The following HAPLN1 variants were observed in gnomAD, a reference collection of about 807,000 sequenced individuals.
The protein encoded by HAPLN1 is Cartilage link protein.
HAPLN1 carries 13 observed loss-of-function variants against 36.5 expected under a neutral mutation model. The observed-to-expected ratio is 0.36, with a 90% CI of 0.23 to 0.57. HAPLN1 has a LOEUF of 0.57. HAPLN1 is among the 20% of genes least tolerant of loss of function. The pLI is 0.83. For missense variants in HAPLN1, 407 were observed against 439.7 expected (o/e 0.93, Z 0.66); for synonymous variants, 202 against 169.8 (o/e 1.19, Z -1.48).
intron 3 of HAPLN1, among the ~76,000 whole-genome samples, chr5:83,646,370 G>A (rs1029954571): frequency 1.3e-5 from 2 of 152,200 alleles, no homozygotes; most frequent in Non-Finnish European, 2.9e-5. Context: ...GCTATTTTAT[G>A]AGACTGCAGA....
At chr5:83,694,786 A>T (rs1213108076) in intron 1 of HAPLN1, among the ~76,000 whole-genome samples, 1 of 152,098 alleles carries the variant, frequency 6.6e-6, no homozygotes, top group Non-Finnish European at 1.5e-5. Flanking sequence ...ACAAAAAAAT[A>T]AACAAAACCA....
At chr5:83,697,374 T>G (rs1391134948) in intron 1 of HAPLN1, among the ~76,000 whole-genome samples, 2 of 152,202 alleles carry the variant, frequency 1.3e-5, no homozygotes, top group Non-Finnish European at 2.9e-5. Flanking sequence ...AGTACTTCAT[T>G]CTTTTTATGT....
chr5:83,720,295 A>G (rs1751992337), intron 1 of HAPLN1, among the ~76,000 whole-genome samples: 1 of 152,236 alleles, frequency 6.6e-6, no homozygotes, highest in Non-Finnish European at 1.5e-5. Flanking sequence ...CAACATTTCT[A>G]AGATTATTAA....
chr5:83,689,279 A>G (rs1287937496), intron 1 of HAPLN1, among the ~76,000 whole-genome samples: 1 of 152,142 alleles, frequency 6.6e-6, no homozygotes, highest in Non-Finnish European at 1.5e-5. Flanking sequence ...GCACCTAAAT[A>G]ATGACTGTTC....
rs1487014584 is a variant in HAPLN1 at position 83,681,099 on chromosome 5, C to T, written c.-26-7550G>A. Among the ~76,000 whole-genome samples, 6 of 152,198 alleles carry T rather than the reference C, an allele frequency of 3.9e-5. No homozygotes were observed. In the East Asian group the frequency reaches 1.2e-3, roughly 29 times the overall value. On this transcript the variant is annotated intron_variant, in intron 1 of 4. Coordinates refer to ENST00000274341, the MANE Select transcript of HAPLN1 (RefSeq NM_001884.4). Reference sequence around the variant, plus strand: ...TCAAAAATCTGAGTAACATCAATAACAAAGCATTGTATTAAATAATATAAA... The same window carrying T: ...TCAAAAATCTGAGTAACATCAATAATAAAGCATTGTATTAAATAATATAAA...
intron 2 of HAPLN1, among the ~76,000 whole-genome samples, chr5:83,660,556 C>T (rs1750357228): frequency 6.6e-6 from 1 of 152,114 alleles, no homozygotes; most frequent in East Asian, 1.9e-4. Context: ...CTGAGATGTA[C>T]ACCAGAAACT....
At chr5:83,650,378 G>A (rs1750020216) in intron 3 of HAPLN1, among the ~76,000 whole-genome samples, 1 of 152,094 alleles carries the variant, frequency 6.6e-6, no homozygotes, top group Non-Finnish European at 1.5e-5. Flanking sequence ...ACTGACTTCT[G>A]CCTTATTTCA....
intron 1 of HAPLN1, among the ~76,000 whole-genome samples, chr5:83,679,199 T>C (rs1413271791): frequency 6.6e-6 from 1 of 152,236 alleles, no homozygotes; most frequent in African/African-American, 2.4e-5. Context: ...GAGCAAATCA[T>C]TTAAAATGAC....
At chr5:83,643,346 C>T (rs1749759903) in intron 4 of HAPLN1, among the ~76,000 whole-genome samples, 1 of 113,066 alleles carries the variant, frequency 8.8e-6, no homozygotes, top group Non-Finnish European at 1.9e-5. Flanking sequence ...AGGGTGATAC[C>T]CTGTCTTAAA....
Position 83,701,554 on chromosome 5 carries a change from A to C in HAPLN1, c.-27+19235T>G, listed in dbSNP as rs562014101. Among the ~76,000 whole-genome samples, 67 of 152,354 alleles carry C rather than the reference A, an allele frequency of 4.4e-4. 1 individual carries two copies. Among genetic ancestry groups the C allele is most frequent in the Middle Eastern group, 3.4e-3 (1 of 294 alleles). The stretch of plus-strand genomic sequence containing the variant: ...CTGACCTTTCAGCTCAGAATTTTGA[A>C]GGATGTAAAGATGGATAAAACAACT... On this transcript the variant is annotated intron_variant, in intron 1 of 4. Transcript: ENST00000274341.
intron 2 of HAPLN1, 68 bp from the exon 3 acceptor site, chr5:83,652,892 A>T: frequency 7.4e-7 from 1 of 1,355,240 alleles, no homozygotes; most frequent in South Asian, 1.5e-5. Flanking sequence ...TCATAAAATG[A>T]AATATATCAC....
chr5:83,710,101 G>A (rs6862984), intron 1 of HAPLN1, among the ~76,000 whole-genome samples: 44,299 of 152,106 alleles, frequency 0.29, 6,829 homozygotes, highest in East Asian at 0.41. Flanking sequence ...GCTAGTGCAG[G>A]TGGTTTAGAC....
chr5:83,673,820 A>T, intron 1 of HAPLN1: 1 of 302,478 alleles, frequency 3.3e-6, no homozygotes, highest in Non-Finnish European at 6.1e-6. Context: ...TGTAGTTTGG[A>T]TAGAGAATTA....
chr5:83,709,831 G>A (rs1016512368), intron 1 of HAPLN1, among the ~76,000 whole-genome samples: 1 of 152,152 alleles, frequency 6.6e-6, no homozygotes, highest in Admixed American at 6.6e-5. Context: ...TAACAAGATG[G>A]GAGACATAGA....
At chr5:83,704,368 G>A (rs145406274) in intron 1 of HAPLN1, among the ~76,000 whole-genome samples, 200 of 152,182 alleles carry the variant, frequency 1.3e-3, no homozygotes, top group African/African-American at 4.5e-3. Flanking sequence ...ATAATAACCA[G>A]CTAACAACAT....
At chr5:83,651,582 A>C (rs1322137442) in intron 3 of HAPLN1, among the ~76,000 whole-genome samples, 1 of 22,204 alleles carries the variant, frequency 4.5e-5, no homozygotes, top group Admixed American at 3.2e-4. Flanking sequence ...CAAAAGGTCA[A>C]ATAGTGACAC....
intron 1 of HAPLN1, among the ~76,000 whole-genome samples, chr5:83,690,134 G>T (rs539329115): frequency 6.9e-4 from 105 of 152,152 alleles, no homozygotes; most frequent in African/African-American, 2.5e-3. Flanking sequence ...CCTGGCATCA[G>T]TACTCCTCTG....
chr5:83,648,005 A>T (rs1749923339), intron 3 of HAPLN1, among the ~76,000 whole-genome samples: 1 of 152,188 alleles, frequency 6.6e-6, no homozygotes, highest in South Asian at 2.1e-4. Context: ...GAAGTTTGGA[A>T]GCATAAATGT....
At chr5:83,662,801 T>A (rs1190994820) in intron 2 of HAPLN1, among the ~76,000 whole-genome samples, 1 of 152,184 alleles carries the variant, frequency 6.6e-6, no homozygotes, top group Admixed American at 6.5e-5. Flanking sequence ...CACTTTGTGG[T>A]AAAGTGTGAG....
Sources: gnomAD v4.1 joint callset for allele counts (sites outside exome capture counted in the v4.1 genomes callset) on GRCh38, gnomAD v4.1.1 for gene constraint, MANE v1.5 for transcripts, NCBI Gene and HGNC (gene_info 2026-07-23, HGNC 2026-07-21) for gene names.